Variants in DOC2A observed in about 807,000 individuals in gnomAD.
DOC2A encodes double C2 domain alpha, also known as double C2-like domain-containing protein alpha.
In DOC2A, 28 loss-of-function variants were observed where a neutral mutation model predicts 40.6. The observed-to-expected ratio is 0.69, with a 90% CI of 0.51 to 0.95. DOC2A has a LOEUF of 0.95. Among genes scored for constraint, DOC2A ranks in the 40% least tolerant of loss-of-function variants. The pLI is 0.00. For missense variants in DOC2A, 474 were observed against 552.5 expected (o/e 0.86, Z 1.42); for synonymous variants, 241 against 236.9 (o/e 1.02, Z -0.16).
At chr16:30,007,777 C>T in intron 5 of DOC2A, 2 of 263,212 alleles carry the variant, frequency 7.6e-6, no homozygotes, top group Non-Finnish European at 1.5e-5. Context: ...TCCTGCAGTC[C>T]CTGCCCTGCC....
In DOC2A at chr16:30,009,851, T is replaced by G; in HGVS notation, c.262+110A>C. On this transcript the variant is annotated intron_variant, in intron 2 of 10. Coordinates refer to ENST00000350119, the MANE Select transcript of DOC2A (RefSeq NM_003586.3). The surrounding 1 kb of genome is among the most constrained non-coding windows in gnomAD (Gnocchi z 4.1). ...CGTCCCTGCCACCCCCCCACTGCCCTCCTCCCCTACCTACATGCACAGCCA... is the reference window on the plus strand; with the variant it reads ...CGTCCCTGCCACCCCCCCACTGCCCGCCTCCCCTACCTACATGCACAGCCA... The G allele has an allele frequency of 3.2e-5, 31 of 954,172 alleles. No individual in the cohort carries two copies. The highest frequency in any genetic ancestry group is 4.3e-5 in the Non-Finnish European group (27 of 630,584). 59.1% of individuals were successfully genotyped at this position (954,172 alleles called of 1,614,324 possible).
chr16:30,006,252 G>T lies in DOC2A; in HGVS notation c.1137C>A (p.Ala379=). 1 of 1,594,558 alleles carries T rather than the reference G, an allele frequency of 6.3e-7. No individual in the cohort carries two copies. The highest frequency in any genetic ancestry group is 8.5e-7 in the Non-Finnish European group (1 of 1,171,758). Residue 379 remains alanine (A), a synonymous_variant, in exon 11 of 11, where the codon GCC becomes GCA. Coordinates refer to ENST00000350119, the MANE Select transcript of DOC2A (RefSeq NM_003586.3). The surrounding 1 kb of genome is among the most constrained non-coding windows in gnomAD (Gnocchi z 6.2). The part of the protein sequence containing the change: ...WSDCLQQPDA[A]LERWHTLTSE... ...TGGTCAGGGTGTGCCAGCGCTCCAGGGCTGCGTCCGGCTGCTGCAGGCAGT... is the reference window on the plus strand; with the variant it reads ...TGGTCAGGGTGTGCCAGCGCTCCAGTGCTGCGTCCGGCTGCTGCAGGCAGT...
rs1334694323 is a variant in DOC2A at position 30,007,050 on chromosome 16, A to G, written c.695T>C (p.Ile232Thr). ...PSSMSAALRGISCYLKELEQA... is the reference protein window; with the variant it reads ...PSSMSAALRGTSCYLKELEQA... ...CCTCACCTCCTTCAGATAACAGGAGATGCCCCTCAGCGCCGCTGACATGGA... is the reference window on the plus strand; with the variant it reads ...CCTCACCTCCTTCAGATAACAGGAGGTGCCCCTCAGCGCCGCTGACATGGA... Residue 232 changes from isoleucine to threonine, a missense_variant, in exon 7 of 11, where the codon ATC (isoleucine) becomes ACC (threonine). Physicochemically the swap from Ile to Thr is moderately conservative, Grantham distance 89. Coordinates refer to ENST00000350119, the MANE Select transcript of DOC2A (RefSeq NM_003586.3). 1 of 1,613,614 alleles carries G rather than the reference A, an allele frequency of 6.2e-7. No homozygotes were observed. The highest frequency in any genetic ancestry group is 2.2e-5 in the East Asian group (1 of 44,824).
At chr16:30,016,464 G>C (rs542189815), upstream of DOC2A, among the ~76,000 whole-genome samples, 1 of 152,326 alleles carries the variant, frequency 6.6e-6, no homozygotes, top group African/African-American at 2.4e-5. Flanking sequence ...TTTAGCAAGA[G>C]GGTGTCCATG....
At chr16:30,014,269 A>G (rs2070833043), upstream of DOC2A, among the ~76,000 whole-genome samples, 1 of 150,830 alleles carries the variant, frequency 6.6e-6, no homozygotes, top group South Asian at 2.1e-4. Context: ...GGCCTCCCAA[A>G]GTCCTGGGAT....
upstream of DOC2A, chr16:30,013,319 G>A (rs2070815609): frequency 1.4e-5 from 2 of 144,236 alleles, no homozygotes; most frequent in East Asian, 4.1e-4. Flanking sequence ...AGGCTGGAGT[G>A]CAGTGGCGTG....
In DOC2A at chr16:30,010,022, G is replaced by A; in HGVS notation, c.201C>T (p.Leu67=). 1 of 1,612,260 alleles carries A rather than the reference G, an allele frequency of 6.2e-7. No homozygotes were observed. Among genetic ancestry groups the A allele is most frequent in the Non-Finnish European group, 8.5e-7 (1 of 1,179,822 alleles). The change falls in exon 2 of 11, where the codon CTC becomes CTT. Residue 67 remains leucine, a synonymous_variant. Coordinates refer to ENST00000350119, the MANE Select transcript of DOC2A (RefSeq NM_003586.3). This position sits in a 1 kb window ranked among gnomAD's most constrained non-coding sequence, Gnocchi z 4.2. Reference sequence around the variant, plus strand: ...CATCCTCAGGCGTGGTGGCCCCAAGGAGGGCTGCAGGGGGGGCCAGAGCCA... The same window carrying A: ...CATCCTCAGGCGTGGTGGCCCCAAGAAGGGCTGCAGGGGGGGCCAGAGCCA... ...VPLALAPPAA[L]LGATTPEDGA...
Position 30,010,998 on chromosome 16 carries a change from G to A in DOC2A, c.-109C>T, listed in dbSNP as rs1197417429. The stretch of plus-strand genomic sequence containing the variant: ...GAGAGCGCGGAGTCGAGCTGTGCGA[G>A]CCGAGAGGGAGGGAGCGCCGAGAAA... On this transcript the variant is annotated 5_prime_UTR_variant, in exon 1 of 11. Coordinates refer to ENST00000350119, the MANE Select transcript of DOC2A (RefSeq NM_003586.3). This position sits in a 1 kb window ranked among gnomAD's most constrained non-coding sequence, Gnocchi z 4.2. 2.5e-5 allele frequency: 25 copies of A among 992,442 alleles called. No individual in the cohort carries two copies. Among genetic ancestry groups the A allele is most frequent in the Non-Finnish European group, 2.9e-5 (24 of 833,432 alleles). 61.5% of individuals were successfully genotyped at this position (992,442 alleles called of 1,614,324 possible). A position where few individuals can be genotyped will look rare whatever the true frequency, so the allele number is the denominator to read the frequency against.
upstream of DOC2A, among the ~76,000 whole-genome samples, chr16:30,014,172 C>CTTT (rs772684029): frequency 0.34 from 44,957 of 131,422 alleles, 7,795 homozygotes; most frequent in East Asian, 0.51. Context: ...TTAGAATCAT[C>CTTT]TTTTTTTTTT....
chr16:30,007,081 G>A lies in DOC2A; in HGVS notation c.664C>T (p.Pro222Ser). 6.2e-7 allele frequency: 1 copy of A among 1,613,962 alleles called. No homozygotes were observed. The highest frequency in any genetic ancestry group is 8.5e-7 in the Non-Finnish European group (1 of 1,179,968). ...CLERQVPLAS[P>S]SSMSAALRGI... ...CTCAGCGCCGCTGACATGGAAGAGGGGGACGCCAGCTGAGGGGGCAAAGAG... is the reference window on the plus strand; with the variant it reads ...CTCAGCGCCGCTGACATGGAAGAGGAGGACGCCAGCTGAGGGGGCAAAGAG... Residue 222 changes from proline to serine, a missense_variant, in exon 7 of 11, where the codon CCC (proline) becomes TCC (serine). By Grantham distance (74) the Pro-to-Ser change is moderately conservative. Transcript: ENST00000350119.
In DOC2A at chr16:30,010,466, G is replaced by T; in HGVS notation, c.-13-231C>A. The stretch of plus-strand genomic sequence containing the variant: ...CCCACTCCTTGCAGAAGTCGAGGTT[G>T]CACCACCCCGTCCTCACCCACCCAC... On this transcript the variant is annotated intron_variant, in intron 1 of 10. Transcript: ENST00000350119. This position sits in a 1 kb window ranked among gnomAD's most constrained non-coding sequence, Gnocchi z 4.2. The T allele has an allele frequency of 1.6e-6, 1 of 614,892 alleles. No individual in the cohort carries two copies. Among genetic ancestry groups the T allele is most frequent in the Non-Finnish European group, 2.9e-6 (1 of 343,492 alleles). The allele number at this position is 614,892 out of a possible 1,614,324, so 38.1% of individuals were successfully genotyped here.
At chr16:30,018,597 C>T (rs536093046) in intron 1 of DOC2A, 24 of 152,192 alleles carry the variant, frequency 1.6e-4, no homozygotes, top group African/African-American at 5.1e-4. Flanking sequence ...TCCACTGAGA[C>T]GAAAAGATGG....
At position 30,009,892 on chromosome 16, in the gene DOC2A, C is replaced by T. The variant is rs542131915; in HGVS notation, c.262+69G>A. 6.9e-6 allele frequency: 11 copies of T among 1,597,312 alleles called. No homozygotes were observed. The East Asian group carries it at 1.3e-4, about 20-fold the overall frequency. ...TGCACAGCCAGCAGGGCCCATCCCC[C>T]TCTCCCCCCACCACGGCAAGCCTGG... is the stretch of plus-strand genomic sequence containing the variant. On this transcript the variant is annotated intron_variant, in intron 2 of 10. Coordinates refer to ENST00000350119, the MANE Select transcript of DOC2A (RefSeq NM_003586.3). This position sits in a 1 kb window ranked among gnomAD's most constrained non-coding sequence, Gnocchi z 4.1.
At position 30,009,746 on chromosome 16, in the gene DOC2A, G is replaced by A. The variant is rs1410481192; in HGVS notation, c.263-189C>T. Among the ~76,000 whole-genome samples, 1 of 152,098 alleles carries A rather than the reference G, an allele frequency of 6.6e-6. No individual in the cohort carries two copies. The highest frequency in any genetic ancestry group is 1.9e-4 in the East Asian group (1 of 5,184). On this transcript the variant is annotated intron_variant, in intron 2 of 10. Coordinates refer to ENST00000350119, the MANE Select transcript of DOC2A (RefSeq NM_003586.3). This position sits in a 1 kb window ranked among gnomAD's most constrained non-coding sequence, Gnocchi z 4.1. ...CGGCCGCAACTGGGGCTGTGTGGGT[G>A]GTGGAGTGTCTCAGCAGAAATACTG... is the stretch of plus-strand genomic sequence containing the variant.
rs376856265 is a variant in DOC2A, at chr16:30,006,497, C to T, written c.973G>A (p.Glu325Lys). 54 of 1,613,684 alleles carry T rather than the reference C, an allele frequency of 3.3e-5. No homozygotes were observed. The highest frequency in any genetic ancestry group is 4.0e-5 in the Non-Finnish European group (47 of 1,179,924). Residue 325 changes from glutamate to lysine, a missense_variant, in exon 10 of 11, where the codon GAG becomes AAG. Glu to Lys is a moderately conservative substitution (Grantham distance 56, BLOSUM62 1). Transcript: ENST00000350119. The surrounding 1 kb of genome is among the most constrained non-coding windows in gnomAD (Gnocchi z 6.2). ...NPEFNEEFFY[E>K]IELSTLATKT... ...GTGGCCAGAGTGGAGAGCTCTATCT[C>T]GTAGAAAAACTCCTAGGGACAAGGC...
chr16:30,013,094 G>C (rs2070811064), upstream of DOC2A, among the ~76,000 whole-genome samples: 1 of 143,618 alleles, frequency 7.0e-6, no homozygotes, highest in African/African-American at 2.6e-5. Flanking sequence ...AGCTGAGACG[G>C]ACTGATCCCT....
chr16:30,011,003 GAGGGAGGGAGCGCCGAGAAAGTGC>G lies in DOC2A; in HGVS notation c.-138_-115del. On this transcript the variant is annotated 5_prime_UTR_variant, in exon 1 of 11. Transcript: ENST00000350119. ...CGCGGAGTCGAGCTGTGCGAGCCGA[GAGGGAGGGAGCGCCGAGAAAGTGC>G]GGGGAGGAGGGGGTGAGCGAGGTGG... 1 of 990,862 alleles carries G rather than the reference GAGGGAGGGAGCGCCGAGAAAGTGC, an allele frequency of 1.0e-6. No individual in the cohort carries two copies. The highest frequency in any genetic ancestry group is 1.2e-6 in the Non-Finnish European group (1 of 832,428). The allele number at this position is 990,862 out of a possible 1,614,324, so 61.4% of individuals were successfully genotyped here.
chr16:30,016,603 CTTG>C (rs1183402816), upstream of DOC2A, among the ~76,000 whole-genome samples: 3 of 152,210 alleles, frequency 2.0e-5, 1 homozygote, highest in Admixed American at 1.3e-4. Context: ...TCCAGAAGAA[CTTG>C]TTGAAGACAG....
rs566515467 is a variant in DOC2A, at chr16:30,010,987, G to C, written c.-98C>G. 4.0e-6 allele frequency: 4 copies of C among 998,090 alleles called. No individual in the cohort carries two copies. The highest frequency in any genetic ancestry group is 1.7e-5 in the African/African-American group (1 of 57,216). The allele number at this position is 998,090 out of a possible 1,614,324, so 61.8% of individuals were successfully genotyped here. On this transcript the variant is annotated 5_prime_UTR_variant, in exon 1 of 11. Coordinates refer to ENST00000350119, the MANE Select transcript of DOC2A (RefSeq NM_003586.3). This position sits in a 1 kb window ranked among gnomAD's most constrained non-coding sequence, Gnocchi z 4.2. ...CGGCCGGCGAGGAGAGCGCGGAGTC[G>C]AGCTGTGCGAGCCGAGAGGGAGGGA...
Sources: gnomAD v4.1 joint callset for allele counts (sites outside exome capture counted in the v4.1 genomes callset) on GRCh38, gnomAD v4.1.1 for gene constraint, Gnocchi (gnomAD v3.1) non-coding constraint, MANE v1.5 for transcripts, NCBI Gene and HGNC (gene_info 2026-07-23, HGNC 2026-07-21) for gene names.